The following SGMS1 variants were observed in gnomAD, a reference collection of about 807,000 sequenced individuals.
SGMS1 encodes phosphatidylcholine:ceramide cholinephosphotransferase 1.
A neutral mutation model predicts 46.2 loss-of-function variants in SGMS1; 13 were observed. That is an observed-to-expected ratio of 0.28 (90% CI 0.18 to 0.45). SGMS1 has a LOEUF of 0.45. Among genes scored for constraint, SGMS1 ranks in the 20% least tolerant of loss-of-function variants. The pLI is 1.00. For synonymous variants in SGMS1, 203 were observed against 187.8 expected, an observed-to-expected ratio of 1.08 and a Z score of -0.66; for missense variants, 324 against 519.9, an observed-to-expected ratio of 0.62 and a Z score of 3.66.
intron 2 of SGMS1, among the ~76,000 whole-genome samples, chr10:50,552,981 C>T (rs1838161010): frequency 6.6e-6 from 1 of 152,196 alleles, no homozygotes; most frequent in Non-Finnish European, 1.5e-5. Context: ...AGATCAGATT[C>T]TCTCCTAGAA....
At chr10:50,408,431 TAAA>T (rs71029307) in intron 6 of SGMS1, among the ~76,000 whole-genome samples, 2 of 95,206 alleles carry the variant, frequency 2.1e-5, no homozygotes, top group African/African-American at 3.9e-5. Flanking sequence ...CCTCATCTCT[TAAA>T]AAAAAAAAAA....
chr10:50,322,004 C>A (rs1482015386), intron 8 of SGMS1, among the ~76,000 whole-genome samples: 1 of 152,328 alleles, frequency 6.6e-6, no homozygotes, highest in East Asian at 1.9e-4. Flanking sequence ...AATATGAAGG[C>A]TGTTCTGCTG....
At chr10:50,326,420 C>T (rs930997018) in intron 8 of SGMS1, among the ~76,000 whole-genome samples, 2 of 152,058 alleles carry the variant, frequency 1.3e-5, no homozygotes, top group Admixed American at 6.6e-5. Context: ...GCTGTTTCAC[C>T]CACACAGGTA....
intron 7 of SGMS1, among the ~76,000 whole-genome samples, chr10:50,328,837 G>A (rs752189214): frequency 6.6e-5 from 10 of 152,246 alleles, no homozygotes; most frequent in South Asian, 2.1e-4. Context: ...AAAGAGGGAC[G>A]ATACTAGAGA....
At chr10:50,596,697 T>C (rs1315758797) in intron 1 of SGMS1, among the ~76,000 whole-genome samples, 2 of 152,208 alleles carry the variant, frequency 1.3e-5, no homozygotes, top group Non-Finnish European at 2.9e-5. Flanking sequence ...TATGAGGTGT[T>C]TGAAGAACAC....
intron 2 of SGMS1, among the ~76,000 whole-genome samples, chr10:50,543,418 ATCAAG>A (rs1186632818): frequency 6.6e-6 from 1 of 152,274 alleles, no homozygotes; most frequent in Non-Finnish European, 1.5e-5. Context: ...CATTACATAT[ATCAAG>A]TTGTAAAAAA....
chr10:50,497,655 G>A (rs1349644704), intron 3 of SGMS1, among the ~76,000 whole-genome samples: 1 of 152,102 alleles, frequency 6.6e-6, no homozygotes, highest in Non-Finnish European at 1.5e-5. Context: ...TTAGCCGGAC[G>A]TGGTGGTGCA....
rs1056141875 is a variant in SGMS1, at chr10:50,414,445, C to G, written c.-232+19031G>C. 6.6e-5 allele frequency among the ~76,000 whole-genome samples: 10 copies of G among 152,176 alleles called. No individual in the cohort carries two copies. The East Asian group carries it at 7.7e-4, about 12-fold the overall frequency. On this transcript the variant is annotated intron_variant, in intron 6 of 10. Transcript: ENST00000361781. ...TCTGGATATGTGTTTAAACACAAAC[C>G]CAGAAATGTGCATAATATTGCCTGA...
chr10:50,523,559 A>T (rs1244866261), intron 2 of SGMS1, among the ~76,000 whole-genome samples: 5 of 152,216 alleles, frequency 3.3e-5, no homozygotes, highest in Non-Finnish European at 7.3e-5. Context: ...TACTGGCATA[A>T]CAAAACAGTA....
chr10:50,441,014 T>C (rs1489742294), intron 5 of SGMS1, among the ~76,000 whole-genome samples: 2 of 152,140 alleles, frequency 1.3e-5, no homozygotes, highest in Admixed American at 6.5e-5. Context: ...AGGAGGGAGC[T>C]AGAATAGAGT....
At chr10:50,447,785 A>G (rs1253341756) in intron 5 of SGMS1, among the ~76,000 whole-genome samples, 1 of 152,122 alleles carries the variant, frequency 6.6e-6, no homozygotes, top group Non-Finnish European at 1.5e-5. Context: ...TCTTTTATCA[A>G]TTTTCAAGCA....
At chr10:50,467,174 C>A (rs1196773028) in intron 3 of SGMS1, among the ~76,000 whole-genome samples, 2 of 151,976 alleles carry the variant, frequency 1.3e-5, no homozygotes, top group Non-Finnish European at 2.9e-5. Flanking sequence ...AAAAACTGCA[C>A]ACCAAATGCA....
rs551527533 is a variant in SGMS1 at position 50,527,564 on chromosome 10, G to A, written c.-588-7643C>T. 4.6e-5 allele frequency among the ~76,000 whole-genome samples: 7 copies of A among 152,198 alleles called. No individual in the cohort carries two copies. The East Asian group carries it at 5.8e-4, about 13-fold the overall frequency. On this transcript the variant is annotated intron_variant, in intron 2 of 10. Transcript: ENST00000361781. ...TCTTAGGCACCTAGCCACTTGATAC[G>A]CTGCCTCTCCCTAGACGTGTCCGCT... is the stretch of plus-strand genomic sequence containing the variant.
intron 7 of SGMS1, among the ~76,000 whole-genome samples, chr10:50,341,738 G>A (rs1023334002): frequency 6.6e-6 from 1 of 151,914 alleles, no homozygotes; most frequent in African/African-American, 2.4e-5. Flanking sequence ...TTCTTGCTTT[G>A]AGCAATTTAA....
intron 3 of SGMS1, among the ~76,000 whole-genome samples, chr10:50,518,119 G>A (rs953261029): frequency 6.6e-6 from 1 of 152,156 alleles, no homozygotes; most frequent in Non-Finnish European, 1.5e-5. Flanking sequence ...TTTGTATGGT[G>A]AAACAAATAA....
At chr10:50,386,136 T>C (rs1171787157) in intron 6 of SGMS1, among the ~76,000 whole-genome samples, 1 of 152,112 alleles carries the variant, frequency 6.6e-6, no homozygotes, top group African/African-American at 2.4e-5. Context: ...CTGAAGAAAC[T>C]GGAAAATAAA....
intron 5 of SGMS1, among the ~76,000 whole-genome samples, chr10:50,452,695 C>A (rs551570469): frequency 1.8e-4 from 27 of 152,168 alleles, no homozygotes; most frequent in Middle Eastern, 3.4e-3. Context: ...AAGATAAAAC[C>A]AGGACCACTC....
upstream of SGMS1, chr10:50,624,036 G>A (rs1248167160): frequency 1.0e-6 from 1 of 985,362 alleles, no homozygotes; most frequent in Non-Finnish European, 1.2e-6. Flanking sequence ...TGTTCACTGC[G>A]GCCGGGGGGG....
chr10:50,493,707 A>G (rs1837586072), intron 3 of SGMS1, among the ~76,000 whole-genome samples: 1 of 151,718 alleles, frequency 6.6e-6, no homozygotes, highest in East Asian at 1.9e-4. Context: ...AATCATATGA[A>G]AAAAAAAAAC....
Sources: gnomAD v4.1 joint callset for allele counts (sites outside exome capture counted in the v4.1 genomes callset) on GRCh38, gnomAD v4.1.1 for gene constraint, MANE v1.5 for transcripts, NCBI Gene and HGNC (gene_info 2026-07-23, HGNC 2026-07-21) for gene names.